The following ITGAV variants were observed in gnomAD, a reference collection of about 807,000 sequenced individuals.
The protein encoded by ITGAV is integrin subunit alpha V.
A neutral mutation model predicts 143.8 loss-of-function variants in ITGAV; 76 were observed. That is an observed-to-expected ratio of 0.53 (90% CI 0.44 to 0.64). The LOEUF (loss-of-function observed/expected upper bound fraction) is 0.64, where lower values mean the gene tolerates loss of function less well. Ranked by LOEUF, ITGAV falls within the 30% of genes least tolerant of loss-of-function variation. The probability of loss-of-function intolerance (pLI) is 0.00; values close to 1 mark genes in which losing one functional copy is unlikely to be tolerated. For missense variants in ITGAV, 1,193 were observed against 1,274.7 expected (o/e 0.94, Z 0.98); for synonymous variants, 453 against 446.7 (o/e 1.01, Z -0.18).
At position 186,668,361 on chromosome 2, in the gene ITGAV, G is replaced by T. The variant is rs1343247001; in HGVS notation, c.2434-401G>T. Among the ~76,000 whole-genome samples the T allele has an allele frequency of 2.7e-5, 4 of 149,102 alleles. No homozygotes were observed. In the East Asian group the frequency reaches 8.0e-4, roughly 30 times the overall value. On this transcript the variant is annotated intron_variant, in intron 24 of 29. Coordinates refer to ENST00000261023, the MANE Select transcript of ITGAV (RefSeq NM_002210.5). Reference sequence around the variant, plus strand: ...CTGCCTCAGCTTGCTGAGTAGCTGGGATTACACGTGTGCACCACCATGCCC... The same window carrying T: ...CTGCCTCAGCTTGCTGAGTAGCTGGTATTACACGTGTGCACCACCATGCCC...
At chr2:186,647,026 C>T (rs1012685488) in intron 13 of ITGAV, 149 bp downstream of exon 13, 1 of 589,786 alleles carries the variant, frequency 1.7e-6, no homozygotes, top group African/African-American at 1.9e-5. Flanking sequence ...GGCATCATTC[C>T]CGTCACCTAA....
chr2:186,613,289 C>A (rs142065449), intron 2 of ITGAV, among the ~76,000 whole-genome samples: 119 of 151,926 alleles, frequency 7.8e-4, no homozygotes, highest in African/African-American at 2.7e-3. Context: ...GGCCTGTATT[C>A]TTTGTGCTGC....
At chr2:186,625,675 G>GTA (rs1687656975) in intron 4 of ITGAV, 88 bp downstream of exon 4, 6 of 566,722 alleles carry the variant, frequency 1.1e-5, no homozygotes, top group Admixed American at 3.5e-5. Flanking sequence ...GTGTGTGTGT[G>GTA]TGTGAGAGAG....
rs766879669 is a variant in ITGAV at position 186,646,737 on chromosome 2, A to T, written c.1211A>T (p.Tyr404Phe). Residue 404 changes from tyrosine to phenylalanine, a missense_variant, in exon 13 of 30, where the codon TAT becomes TTT. Transcript: ENST00000261023. ...GGTGAAGATAAAAAAGGAATTGTTTATATCTTCAATGGAAGATCAACAGGC... is the reference window on the plus strand; with the variant it reads ...GGTGAAGATAAAAAAGGAATTGTTTTTATCTTCAATGGAAGATCAACAGGC... ...YGGEDKKGIV[Y>F]IFNGRSTGLN... 1.2e-6 allele frequency: 2 copies of T among 1,609,108 alleles called. No homozygotes were observed. The highest frequency in any genetic ancestry group is 2.2e-5 in the South Asian group (2 of 90,164).
intron 26 of ITGAV, among the ~76,000 whole-genome samples, chr2:186,673,968 G>GTCTATT (rs1689136748): frequency 6.6e-6 from 1 of 151,932 alleles, no homozygotes; most frequent in African/African-American, 2.4e-5. Flanking sequence ...ACTGTGCCTG[G>GTCTATT]TCTATTTTTA....
At chr2:186,665,911 G>A (rs552689989) in intron 21 of ITGAV, among the ~76,000 whole-genome samples, 1 of 152,270 alleles carries the variant, frequency 6.6e-6, no homozygotes, top group African/African-American at 2.4e-5. Flanking sequence ...ATTTCTAGAT[G>A]TATGGTATCT....
chr2:186,602,111 T>C lies in ITGAV; in HGVS notation c.276T>C (p.Ser92=). 5.6e-6 allele frequency: 9 copies of C among 1,612,884 alleles called. No individual in the cohort carries two copies. Among genetic ancestry groups the C allele is most frequent in the Non-Finnish European group, 7.6e-6 (9 of 1,179,136 alleles). ...EGGQVLKCDW[S]STRRCQPIEF... is the part of the protein sequence containing the mutation. ...GGCAGGTCCTCAAATGTGACTGGTC[T>C]TCTACCCGCCGGTGCCAGCCAATTG... The change falls in exon 2 of 30, where the codon TCT becomes TCC. Residue 92 remains serine (S), a synonymous_variant. Transcript: ENST00000261023.
chr2:186,606,373 C>T (rs1214094733), intron 2 of ITGAV, among the ~76,000 whole-genome samples: 2 of 152,188 alleles, frequency 1.3e-5, no homozygotes, highest in African/African-American at 4.8e-5. Flanking sequence ...TTAGGTTACC[C>T]TCATCTCCCT....
At chr2:186,658,430 TGTG>T (rs765118571) in intron 17 of ITGAV, among the ~76,000 whole-genome samples, 6 of 152,274 alleles carry the variant, frequency 3.9e-5, no homozygotes, top group East Asian at 1.9e-4. Context: ...TGGAAAATAA[TGTG>T]GTACTACAGA....
chr2:186,640,355 T>C (rs1020614221), intron 10 of ITGAV, among the ~76,000 whole-genome samples: 1 of 152,214 alleles, frequency 6.6e-6, no homozygotes, highest in East Asian at 1.9e-4. Flanking sequence ...AAGTAATCTA[T>C]AGAGATATGA....
At chr2:186,672,845 G>T (rs1300369505) in intron 26 of ITGAV, among the ~76,000 whole-genome samples, 3 of 152,048 alleles carry the variant, frequency 2.0e-5, no homozygotes, top group Non-Finnish European at 4.4e-5. Flanking sequence ...GATTGCACAG[G>T]TTTTGTCTCA....
intron 5 of ITGAV, among the ~76,000 whole-genome samples, chr2:186,633,066 C>A (rs1250759977): frequency 1.3e-5 from 2 of 149,772 alleles, no homozygotes; most frequent in African/African-American, 4.9e-5. Context: ...CTTTAAGAGG[C>A]TGAGCTGGGA....
At chr2:186,598,549 T>C (rs1686812994) in intron 1 of ITGAV, among the ~76,000 whole-genome samples, 1 of 151,176 alleles carries the variant, frequency 6.6e-6, no homozygotes, top group South Asian at 2.1e-4. Flanking sequence ...GTGATTCTCC[T>C]GCCTCAGCCT....
At chr2:186,618,703 T>G (rs1687437150) in intron 2 of ITGAV, among the ~76,000 whole-genome samples, 1 of 151,610 alleles carries the variant, frequency 6.6e-6, no homozygotes, top group Admixed American at 6.6e-5. Flanking sequence ...ATTTCACTTT[T>G]CAGGAATATA....
intron 3 of ITGAV, among the ~76,000 whole-genome samples, chr2:186,625,249 G>T (rs941421088): frequency 6.6e-6 from 1 of 151,972 alleles, no homozygotes; most frequent in Non-Finnish European, 1.5e-5. Context: ...GGTGGCATGC[G>T]CATGTGGTGC....
At chr2:186,653,091 G>A (rs1055514420) in intron 15 of ITGAV, among the ~76,000 whole-genome samples, 9 of 151,760 alleles carry the variant, frequency 5.9e-5, no homozygotes, top group Admixed American at 2.0e-4. Flanking sequence ...GACTACAGGC[G>A]CCCACCAACA....
chr2:186,591,596 A>G (rs1293531609), intron 1 of ITGAV, among the ~76,000 whole-genome samples: 3 of 152,170 alleles, frequency 2.0e-5, no homozygotes, highest in Non-Finnish European at 4.4e-5. Flanking sequence ...TAGTACGTGG[A>G]TAGGACCATC....
At chr2:186,636,381 G>A (rs1039192288) in intron 7 of ITGAV, among the ~76,000 whole-genome samples, 174 bp downstream of exon 7, 6 of 152,170 alleles carry the variant, frequency 3.9e-5, no homozygotes, top group African/African-American at 1.4e-4. Flanking sequence ...TTACGTTTCA[G>A]TAATTGAAAT....
chr2:186,646,665 C>T (rs770723525), intron 12 of ITGAV, 21 bp from the exon 13 acceptor site: 7 of 1,548,288 alleles, frequency 4.5e-6, no homozygotes, highest in African/African-American at 1.4e-5. Flanking sequence ...CTCCTTCCCC[C>T]TCCTCTTTTT....
Sources: allele counts gnomAD v4.1 joint callset (sites outside exome capture counted in the v4.1 genomes callset), GRCh38; gene constraint gnomAD v4.1.1; transcripts MANE v1.5; gene names NCBI Gene and HGNC (gene_info 2026-07-23, HGNC 2026-07-21).